Variants in FHIP1A observed in about 807,000 individuals in gnomAD.
The protein encoded by FHIP1A is FHF complex subunit HOOK interacting protein 1A.
In FHIP1A, 61 loss-of-function variants were observed where a neutral mutation model predicts 88.6. The ratio of observed to expected loss-of-function variants is 0.69; its 90% confidence interval spans 0.56 to 0.85. The LOEUF is 0.85. FHIP1A is among the 40% of genes least tolerant of loss of function. FHIP1A has a pLI of 0.00. For synonymous variants in FHIP1A, 478 were observed against 496.0 expected, an observed-to-expected ratio of 0.96 and a Z score of 0.48; for missense variants, 1,154 against 1,273.5, an observed-to-expected ratio of 0.91 and a Z score of 1.43.
In FHIP1A at chr4:151,665,681, G is replaced by A. The variant is rs1737636548; in HGVS notation, c.*2927G>A. 6.6e-6 allele frequency among the ~76,000 whole-genome samples: 1 copy of A among 152,170 alleles called. No individual in the cohort carries two copies. Among genetic ancestry groups the A allele is most frequent in the Non-Finnish European group, 1.5e-5 (1 of 68,024 alleles). On this transcript the variant is annotated 3_prime_UTR_variant, in exon 14 of 14. Coordinates refer to ENST00000435205, the MANE Select transcript of FHIP1A (RefSeq NM_001109977.3). ...GGCGGATATGAAGAAACCAGGGAGTGGGTGGGTGAGAATGGGAACTCCTTG... is the reference window on the plus strand; with the variant it reads ...GGCGGATATGAAGAAACCAGGGAGTAGGTGGGTGAGAATGGGAACTCCTTG...
At chr4:151,432,454 C>CCTAT (rs1283222611) in intron 1 of FHIP1A, among the ~76,000 whole-genome samples, 2 of 152,116 alleles carry the variant, frequency 1.3e-5, no homozygotes, top group African/African-American at 2.4e-5. Context: ...AAGCAAGGTT[C>CCTAT]CTATTCTCAT....
intron 3 of FHIP1A, among the ~76,000 whole-genome samples, chr4:151,527,638 T>A (rs188406139): frequency 6.6e-6 from 1 of 152,296 alleles, no homozygotes; most frequent in Admixed American, 6.5e-5. Context: ...TTATTATTTT[T>A]ATTGGTAACA....
intron 5 of FHIP1A, among the ~76,000 whole-genome samples, chr4:151,581,660 A>G (rs1734030968): frequency 6.6e-6 from 1 of 152,116 alleles, no homozygotes; most frequent in African/African-American, 2.4e-5. Context: ...ATTTGTACCC[A>G]GTTTTCTATA....
chr4:151,500,438 CAAAA>C (rs34481805), intron 3 of FHIP1A, among the ~76,000 whole-genome samples: 4 of 106,712 alleles, frequency 3.7e-5, no homozygotes, highest in Admixed American at 1.0e-4. Context: ...CAGCCATTCT[CAAAA>C]AAAAAAAAAA....
intron 3 of FHIP1A, among the ~76,000 whole-genome samples, chr4:151,516,348 C>G (rs376413825): frequency 6.6e-6 from 1 of 151,594 alleles, no homozygotes; most frequent in East Asian, 1.9e-4. Flanking sequence ...CATAAAAACC[C>G]TAGAAGAAAA....
intron 3 of FHIP1A, among the ~76,000 whole-genome samples, chr4:151,551,831 A>C (rs1218694694): frequency 6.6e-6 from 1 of 152,214 alleles, no homozygotes; most frequent in African/African-American, 2.4e-5. Context: ...AAAATTGACA[A>C]ATGGGATCTA....
intron 2 of FHIP1A, among the ~76,000 whole-genome samples, chr4:151,468,007 G>A (rs12508678): frequency 0.11 from 17,120 of 149,394 alleles, 1,060 homozygotes; most frequent in African/African-American, 0.14. Context: ...AAAAAAAGCC[G>A]GGCATGTTGG....
rs1412084437 is a variant in FHIP1A at position 151,589,170 on chromosome 4, A to G, written c.978+244A>G. 3.3e-5 allele frequency among the ~76,000 whole-genome samples: 5 copies of G among 152,170 alleles called. No individual in the cohort carries two copies. In the East Asian group the frequency reaches 7.7e-4, roughly 23 times the overall value. ...AGTAGGATAGTCAGCCTAAAGGAACATTGGCAGATAGACTCTGACTCTGCC... is the reference window on the plus strand; with the variant it reads ...AGTAGGATAGTCAGCCTAAAGGAACGTTGGCAGATAGACTCTGACTCTGCC... On this transcript the variant is annotated intron_variant, in intron 7 of 13. Transcript: ENST00000435205.
chr4:151,603,703 C>T (rs1229210918), intron 7 of FHIP1A, among the ~76,000 whole-genome samples: 1 of 152,206 alleles, frequency 6.6e-6, no homozygotes, highest in Admixed American at 6.5e-5. Flanking sequence ...TGCATACCTT[C>T]TTTTTGTGAA....
chr4:151,472,293 C>A (rs1729548624), intron 2 of FHIP1A, among the ~76,000 whole-genome samples: 1 of 152,014 alleles, frequency 6.6e-6, no homozygotes, highest in Non-Finnish European at 1.5e-5. Flanking sequence ...AACGTGTATT[C>A]AGACCATGAT....
At position 151,523,413 on chromosome 4, in the gene FHIP1A, A is replaced by G. The variant is rs536291540; in HGVS notation, c.-123+40765A>G. Among the ~76,000 whole-genome samples, 27 of 152,296 alleles carry G rather than the reference A, an allele frequency of 1.8e-4. 1 individual carries two copies. The South Asian group carries it at 5.4e-3, about 30-fold the overall frequency. On this transcript the variant is annotated intron_variant, in intron 3 of 13. Transcript: ENST00000435205. ...GTGTGAAGTTTACATTCCTCCCTCT[A>G]TTATCCCCTGGAGGGCTCCCCATAA...
intron 2 of FHIP1A, among the ~76,000 whole-genome samples, chr4:151,462,167 A>G (rs1729163597): frequency 6.6e-6 from 1 of 152,140 alleles, no homozygotes; most frequent in African/African-American, 2.4e-5. Flanking sequence ...TCTCTAAAAA[A>G]TAAAGTAAAA....
intron 7 of FHIP1A, among the ~76,000 whole-genome samples, chr4:151,618,477 A>G (rs1735624080): frequency 1.3e-5 from 2 of 152,182 alleles, no homozygotes; most frequent in Non-Finnish European, 2.9e-5. Context: ...TCAGTTCTTT[A>G]ATATTTGATT....
intron 8 of FHIP1A, among the ~76,000 whole-genome samples, chr4:151,636,198 A>G (rs7678080): frequency 0.32 from 48,003 of 151,824 alleles, 7,603 homozygotes; most frequent in Non-Finnish European, 0.33. Context: ...GTAATACATC[A>G]TATCAAGATA....
At chr4:151,458,431 CA>C (rs1221001991) in intron 2 of FHIP1A, among the ~76,000 whole-genome samples, 1 of 151,992 alleles carries the variant, frequency 6.6e-6, no homozygotes, top group Non-Finnish European at 1.5e-5. Flanking sequence ...AAGTCTTCAC[CA>C]GGTACTTTGG....
intron 3 of FHIP1A, among the ~76,000 whole-genome samples, chr4:151,501,801 GTT>G (rs372529550): frequency 6.5e-4 from 88 of 135,094 alleles, no homozygotes; most frequent in Non-Finnish European, 1.3e-3. Context: ...AGTTGTAAGA[GTT>G]TTTTTTTTTT....
At chr4:151,634,813 T>A (rs1736287948) in intron 8 of FHIP1A, among the ~76,000 whole-genome samples, 1 of 151,764 alleles carries the variant, frequency 6.6e-6, no homozygotes, top group South Asian at 2.1e-4. Flanking sequence ...GAAGAAAACA[T>A]GGAGGAAAAC....
At chr4:151,415,289 C>T (rs758555938) in intron 1 of FHIP1A, among the ~76,000 whole-genome samples, 6 of 151,758 alleles carry the variant, frequency 4.0e-5, no homozygotes, top group Non-Finnish European at 8.8e-5. Context: ...CAGGTTCGAG[C>T]AATTCTCCTG....
chr4:151,504,599 T>TATGTTATGTTATGTTATGTTATGTC (rs1730764159), intron 3 of FHIP1A, among the ~76,000 whole-genome samples: 1 of 145,810 alleles, frequency 6.9e-6, no homozygotes, highest in South Asian at 2.1e-4. Flanking sequence ...TATGTTATGT[T>TATGTTATGTTATGTTATGTTATGTC]ATGTTATGTC....
Sources: gnomAD v4.1 joint callset for allele counts (sites outside exome capture counted in the v4.1 genomes callset) on GRCh38, gnomAD v4.1.1 for gene constraint, MANE v1.5 for transcripts, NCBI Gene and HGNC (gene_info 2026-07-23, HGNC 2026-07-21) for gene names.